The following FANK1 variants were observed in gnomAD, a reference collection of about 807,000 sequenced individuals.
FANK1 encodes fibronectin type 3 and ankyrin repeat domains protein 1.
A neutral mutation model predicts 45.3 loss-of-function variants in FANK1; 44 were observed. The ratio of observed to expected loss-of-function variants is 0.97; its 90% CI spans 0.76 to 1.25. The LOEUF is 1.25. Ranked by LOEUF, FANK1 falls within the 50% of genes most tolerant of loss-of-function variation. The pLI is 0.00. For missense variants in FANK1, 391 were observed against 424.4 expected, an observed-to-expected ratio of 0.92 and a Z score of 0.69; for synonymous variants, 149 against 152.5, an observed-to-expected ratio of 0.98 and a Z score of 0.17.
At chr10:126,005,166 T>G in intron 7 of FANK1, 117 bp downstream of exon 7, 1 of 1,215,542 alleles carries the variant, frequency 8.2e-7, no homozygotes, top group South Asian at 1.7e-5. Flanking sequence ...CTGGAGAAAG[T>G]TTTCTGACTT....
rs766623884 is a variant in FANK1 at position 126,009,459 on chromosome 10, G to A, written c.*21G>A. 26 of 1,611,206 alleles carry A rather than the reference G, an allele frequency of 1.6e-5. No individual in the cohort carries two copies. The highest frequency in any genetic ancestry group is 4.5e-5 in the East Asian group (2 of 44,878). On this transcript the variant is annotated 3_prime_UTR_variant, in exon 11 of 11. Transcript: ENST00000368693. Reference sequence around the variant, plus strand: ...GCTGATGAGAGCACCACTCATCTGCGAAACGCACGTAAAACAAAGTGAACC... The same window carrying A: ...GCTGATGAGAGCACCACTCATCTGCAAAACGCACGTAAAACAAAGTGAACC...
At chr10:125,917,886 C>T (rs1375823627) in intron 1 of FANK1, among the ~76,000 whole-genome samples, 1 of 152,310 alleles carries the variant, frequency 6.6e-6, no homozygotes, top group African/African-American at 2.4e-5. Flanking sequence ...AGTTCAAGAC[C>T]AGGCTAGACA....
chr10:125,910,043 A>T (rs565848276), intron 1 of FANK1, among the ~76,000 whole-genome samples: 3 of 152,152 alleles, frequency 2.0e-5, no homozygotes, highest in Admixed American at 6.5e-5. Context: ...ACCAAGATAA[A>T]AAAAAAACTA....
intron 2 of FANK1, among the ~76,000 whole-genome samples, chr10:125,986,803 G>A (rs1323061390): frequency 3.3e-5 from 5 of 152,218 alleles, no homozygotes; most frequent in African/African-American, 1.2e-4. Context: ...CTGTTCCTCA[G>A]TGGGGGAATT....
At position 125,900,932 on chromosome 10, in the gene FANK1, G is replaced by A. The variant is rs1262994650; in HGVS notation, c.13+4277G>A. Among the ~76,000 whole-genome samples the A allele has an allele frequency of 9.2e-5, 14 of 152,108 alleles. 1 individual carries two copies. The highest frequency in any genetic ancestry group is 8.5e-4 in the Admixed American group (13 of 15,284). On this transcript the variant is annotated intron_variant, in intron 1 of 10. Coordinates refer to ENST00000368693, the MANE Select transcript of FANK1 (RefSeq NM_145235.5). ...CCCAAAGTGCTGGGATTATAGGCGT[G>A]TGCCACTGTGCCCAGCCTTTTTCTG...
chr10:125,980,464 A>G (rs1446237820), intron 2 of FANK1, 126 bp downstream of exon 2: 4 of 1,097,908 alleles, frequency 3.6e-6, no homozygotes, highest in African/African-American at 3.2e-5. Flanking sequence ...ATTTGTATTC[A>G]TGCTCTTTTA....
rs188694259 is a variant in FANK1, at chr10:125,951,421, A to G, written c.14-28740A>G. Reference sequence around the variant, plus strand: ...GATTTTGGAGGCAGAAAAATTTGCAACTTCACAGTGTTGCTGTGAGTTGCT... The same window carrying G: ...GATTTTGGAGGCAGAAAAATTTGCAGCTTCACAGTGTTGCTGTGAGTTGCT... On this transcript the variant is annotated intron_variant, in intron 1 of 10. Coordinates refer to ENST00000368693, the MANE Select transcript of FANK1 (RefSeq NM_145235.5). Among the ~76,000 whole-genome samples the G allele has an allele frequency of 3.2e-3, 486 of 152,270 alleles. 11 individuals carry two copies. Among genetic ancestry groups the G allele is most frequent in the Admixed American group, 0.027 (418 of 15,294 alleles).
intron 1 of FANK1, among the ~76,000 whole-genome samples, chr10:125,979,657 C>G (rs1280077191): frequency 1.3e-5 from 2 of 152,114 alleles, no homozygotes; most frequent in Non-Finnish European, 2.9e-5. Flanking sequence ...TGTTTTTGCT[C>G]TTTTGTGTGC....
chr10:126,008,347 T>G (rs1386338919), intron 7 of FANK1, 60 bp from the exon 8 acceptor site: 1 of 1,512,684 alleles, frequency 6.6e-7, no homozygotes, highest in East Asian at 2.4e-5. Context: ...CTTTTATAAG[T>G]TTGAATCATT....
At chr10:125,920,353 C>T (rs1005539323) in intron 1 of FANK1, among the ~76,000 whole-genome samples, 1 of 152,094 alleles carries the variant, frequency 6.6e-6, no homozygotes, top group African/African-American at 2.4e-5. Context: ...TTAGAAGTGA[C>T]TTTGGATTAA....
intron 1 of FANK1, among the ~76,000 whole-genome samples, chr10:125,934,552 T>C (rs998777803): frequency 4.6e-5 from 7 of 151,598 alleles, no homozygotes; most frequent in Non-Finnish European, 1.0e-4. Flanking sequence ...CTGCGTGAAT[T>C]AAGGCTGGTC....
intron 3 of FANK1, among the ~76,000 whole-genome samples, 183 bp from the exon 4 acceptor site, chr10:125,995,234 T>C (rs1343046444): frequency 6.6e-6 from 1 of 152,192 alleles, no homozygotes; most frequent in Non-Finnish European, 1.5e-5. Flanking sequence ...GTTCTCTTAA[T>C]ATGTGAAAAC....
At chr10:125,987,133 T>C (rs1336298123) in intron 2 of FANK1, among the ~76,000 whole-genome samples, 1 of 151,804 alleles carries the variant, frequency 6.6e-6, no homozygotes, top group Non-Finnish European at 1.5e-5. Context: ...TGACTGCCCC[T>C]TTTCTTGGAC....
Position 125,983,479 on chromosome 10 carries a change from A to C in FANK1, c.191+3141A>C, listed in dbSNP as rs972085075. Among the ~76,000 whole-genome samples, 1 of 152,200 alleles carries C rather than the reference A, an allele frequency of 6.6e-6. No homozygotes were observed. The highest frequency in any genetic ancestry group is 1.5e-5 in the Non-Finnish European group (1 of 68,046). On this transcript the variant is annotated intron_variant, in intron 2 of 10. Coordinates refer to ENST00000368693, the MANE Select transcript of FANK1 (RefSeq NM_145235.5). This position sits in a 1 kb window ranked among gnomAD's most constrained non-coding sequence, Gnocchi z 4.3. The stretch of plus-strand genomic sequence containing the variant: ...AAAATAGGTAGTCAGCAGGCAATAC[A>C]TACTGAGGGGCAGCAGCATAGGAAA...
intron 1 of FANK1, among the ~76,000 whole-genome samples, chr10:125,978,731 C>A (rs1951005666): frequency 1.3e-5 from 2 of 152,220 alleles, no homozygotes; most frequent in Admixed American, 6.5e-5. Context: ...GCCCCTCCCC[C>A]TGGGAGCTCC....
intron 1 of FANK1, among the ~76,000 whole-genome samples, chr10:125,963,229 C>G (rs1404645061): frequency 1.3e-5 from 2 of 152,218 alleles, no homozygotes; most frequent in Non-Finnish European, 2.9e-5. Context: ...GGTGATCCAC[C>G]TGCCTCGGTC....
chr10:125,988,272 C>T (rs564436791), intron 2 of FANK1, among the ~76,000 whole-genome samples: 7 of 152,252 alleles, frequency 4.6e-5, no homozygotes, highest in African/African-American at 4.8e-5. Context: ...GGGCAAATGT[C>T]GTGGTTAACG....
chr10:125,962,940 T>A lies in FANK1; in HGVS notation c.14-17221T>A, dbSNP rs185910057. ...ACATTTTACATGAATATGGTGCATT[T>A]GTTGCAAATAATGAACCAATGTTGA... is the stretch of plus-strand genomic sequence containing the variant. On this transcript the variant is annotated intron_variant, in intron 1 of 10. Transcript: ENST00000368693. Among the ~76,000 whole-genome samples, 25 of 152,288 alleles carry A rather than the reference T, an allele frequency of 1.6e-4. No individual in the cohort carries two copies. The East Asian group carries it at 4.8e-3, about 29-fold the overall frequency.
intron 1 of FANK1, among the ~76,000 whole-genome samples, chr10:125,910,564 C>T (rs1945907954): frequency 1.4e-5 from 2 of 145,764 alleles, no homozygotes; most frequent in Non-Finnish European, 3.1e-5. Context: ...CTGTACTTTG[C>T]TTTTTTCACC....
Sources: allele counts gnomAD v4.1 joint callset (sites outside exome capture counted in the v4.1 genomes callset), GRCh38; gene constraint gnomAD v4.1.1; non-coding constraint Gnocchi (gnomAD v3.1); transcripts MANE v1.5; gene names NCBI Gene and HGNC (gene_info 2026-07-23, HGNC 2026-07-21).